Variants in STKLD1 observed in about 807,000 individuals in gnomAD.
STKLD1 encodes serine/threonine kinase-like domain-containing protein STKLD1.
A neutral mutation model predicts 80.4 loss-of-function variants in STKLD1; 79 were observed. The ratio of observed to expected loss-of-function variants is 0.98; its 90% CI spans 0.82 to 1.19. The LOEUF is 1.19. STKLD1 is among the 50% of genes most tolerant of loss of function. The pLI, the probability that STKLD1 is intolerant of heterozygous loss-of-function variation, is 0.00. For synonymous variants in STKLD1, 393 were observed against 357.6 expected (o/e 1.10, Z -1.12); for missense variants, 841 against 856.0 (o/e 0.98, Z 0.22).
At chr9:133,403,394 C>T (rs1554778070) in intron 14 of STKLD1, among the ~76,000 whole-genome samples, 1 of 152,148 alleles carries the variant, frequency 6.6e-6, no homozygotes, top group African/African-American at 2.4e-5. Context: ...CAGTAGGGGG[C>T]CCCCTGGCCT....
chr9:133,379,337 C>A (rs2119203619), intron 2 of STKLD1, among the ~76,000 whole-genome samples: 1 of 152,318 alleles, frequency 6.6e-6, no homozygotes, highest in Non-Finnish European at 1.5e-5. Flanking sequence ...TACTCCAACA[C>A]CACCACCTCC....
At chr9:133,376,708 G>T (rs993343325) in intron 1 of STKLD1, 148 bp downstream of exon 1, 3 of 646,922 alleles carry the variant, frequency 4.6e-6, no homozygotes, top group East Asian at 3.3e-5. Flanking sequence ...AACCCGGGGG[G>T]CCTCCAACGG....
At chr9:133,378,563 C>A (rs1838059591) in intron 1 of STKLD1, among the ~76,000 whole-genome samples, 2 of 152,256 alleles carry the variant, frequency 1.3e-5, no homozygotes, top group South Asian at 2.1e-4. Flanking sequence ...ACAGAGGTAG[C>A]AATGGTGTCA....
rs142661250 is a variant in STKLD1, at chr9:133,376,561, G to A, written c.87+1G>A. Reference sequence around the variant, plus strand: ...CGGAGAGCCCATGGAGAAGTACCAGGTGCCGAGTGTTCCCTGCGGGGAGGC... The same window carrying A: ...CGGAGAGCCCATGGAGAAGTACCAGATGCCGAGTGTTCCCTGCGGGGAGGC... On this transcript the variant is annotated splice_donor_variant, in intron 1 of 17. Transcript: ENST00000371957. LOFTEE classifies it high-confidence loss of function. 9.2e-5 allele frequency: 146 copies of A among 1,592,574 alleles called. No individual in the cohort carries two copies. The African/African-American group carries it at 1.8e-3, about 19-fold the overall frequency.
intron 2 of STKLD1, among the ~76,000 whole-genome samples, chr9:133,382,349 CT>C (rs1838151675): frequency 6.6e-6 from 1 of 152,228 alleles, no homozygotes; most frequent in African/African-American, 2.4e-5. Context: ...GTTCTCATTG[CT>C]CTAAGTATTT....
At chr9:133,380,920 T>C (rs1275259827) in intron 2 of STKLD1, among the ~76,000 whole-genome samples, 1 of 152,116 alleles carries the variant, frequency 6.6e-6, no homozygotes, top group African/African-American at 2.4e-5. Flanking sequence ...TTGCTTGATG[T>C]GCTGTAACTA....
chr9:133,394,367 G>C lies in STKLD1; in HGVS notation c.660G>C (p.Leu220=), dbSNP rs1554776408. Residue 220 remains leucine, a synonymous_variant, in exon 8 of 18, where the codon CTG becomes CTC. Coordinates refer to ENST00000371957, the MANE Select transcript of STKLD1 (RefSeq NM_153710.5). The surrounding 1 kb of genome is among the most constrained non-coding windows in gnomAD (Gnocchi z 4.9). ...GCCAGAAATCAGACATCTGGTCCCT[G>C]GGCTGCATCATTCTGGACATGACCA... ...SFSQKSDIWS[L]GCIILDMTSC... 5 of 1,613,712 alleles carry C rather than the reference G, an allele frequency of 3.1e-6. No individual in the cohort carries two copies. Among genetic ancestry groups the C allele is most frequent in the Admixed American group, 1.7e-5 (1 of 59,980 alleles).
At chr9:133,376,772 G>A (rs1217304031) in intron 1 of STKLD1, among the ~76,000 whole-genome samples, 2 of 152,198 alleles carry the variant, frequency 1.3e-5, no homozygotes. Context: ...AATTGACTAA[G>A]GATTCTCCAG....
Position 133,389,231 on chromosome 9 carries a change from G to A in STKLD1, c.397-295G>A, listed in dbSNP as rs2130283602. On this transcript the variant is annotated intron_variant, in intron 5 of 17. Transcript: ENST00000371957. The surrounding 1 kb of genome is among the most constrained non-coding windows in gnomAD (Gnocchi z 6.4). ...GCTCCCAGCAAGTGTGGGGCAGCGC[G>A]GGCCACAGAGTAGGGTGCAGGGATG... The A allele has an allele frequency of 1.1e-5, 11 of 985,286 alleles. No individual in the cohort carries two copies. The highest frequency in any genetic ancestry group is 1.2e-4 in the Admixed American group (2 of 16,270). The allele number at this position is 985,286 out of a possible 1,614,324, so 61.0% of individuals were successfully genotyped here. A position where few individuals can be genotyped will look rare whatever the true frequency, so the allele number is the denominator to read the frequency against.
In STKLD1 at chr9:133,404,831, G is replaced by A; in HGVS notation, c.1775G>A (p.Ser592Asn). The stretch of plus-strand genomic sequence containing the variant: ...GTGGTGGTGCAGGAGGAGGGCGGCA[G>A]TGGCCTCAGCCTCATCAAGGAGACC... Reference protein sequence around the residue: ...FKVVVQEEGGSGLSLIKETYQ... With the variant: ...FKVVVQEEGGNGLSLIKETYQ... The change falls in exon 17 of 18, where the codon AGT becomes AAT. Residue 592 changes from serine to asparagine, a missense_variant. Ser to Asn is a conservative substitution (Grantham distance 46). Coordinates refer to ENST00000371957, the MANE Select transcript of STKLD1 (RefSeq NM_153710.5). The A allele has an allele frequency of 1.9e-6, 3 of 1,613,430 alleles. No homozygotes were observed. The highest frequency in any genetic ancestry group is 1.7e-6 in the Non-Finnish European group (2 of 1,179,828).
chr9:133,400,388 TC>T, intron 11 of STKLD1, 24 bp from the exon 12 acceptor site: 1 of 1,588,780 alleles, frequency 6.3e-7, no homozygotes, highest in Non-Finnish European at 8.6e-7. Flanking sequence ...AAAATGAGTC[TC>T]CCCTGTGCCG....
intron 11 of STKLD1, among the ~76,000 whole-genome samples, chr9:133,398,649 CAT>C (rs1378613695): frequency 2.0e-5 from 3 of 152,126 alleles, no homozygotes; most frequent in South Asian, 2.1e-4. Flanking sequence ...TGTGGTGACA[CAT>C]GTCTGTTATC....
At chr9:133,395,444 C>T (rs1309455268) in intron 8 of STKLD1, among the ~76,000 whole-genome samples, 156 bp from the exon 9 acceptor site, 2 of 152,192 alleles carry the variant, frequency 1.3e-5, no homozygotes, top group African/African-American at 4.8e-5. Context: ...AGCTTGGGGC[C>T]CCTGGGGTCT....
At chr9:133,381,040 TTTTTGTTTTGTTTTG>T (rs113425746) in intron 2 of STKLD1, among the ~76,000 whole-genome samples, 1 of 152,040 alleles carries the variant, frequency 6.6e-6, no homozygotes. Context: ...TTTGTTTGTT[TTTTTGTTTTGTTTTG>T]TTTTGTTTTG....
chr9:133,392,386 C>G (rs1838420428), intron 7 of STKLD1, among the ~76,000 whole-genome samples: 1 of 151,810 alleles, frequency 6.6e-6, no homozygotes, highest in Admixed American at 6.6e-5. Context: ...CCTTGGTAGA[C>G]AGAAGATGAA....
intron 7 of STKLD1, among the ~76,000 whole-genome samples, chr9:133,393,154 A>G: frequency 4.0e-5 from 4 of 99,098 alleles, no homozygotes; most frequent in South Asian, 4.0e-4. Context: ...TGAGTGAATG[A>G]GTGGGTAGGT....
At chr9:133,376,768 C>T (rs2130251349) in intron 1 of STKLD1, among the ~76,000 whole-genome samples, 4 of 152,262 alleles carry the variant, frequency 2.6e-5, no homozygotes, top group African/African-American at 9.6e-5. Context: ...TGTGAATTGA[C>T]TAAGGATTCT....
chr9:133,405,547 T>A lies in STKLD1; in HGVS notation c.*126T>A. On this transcript the variant is annotated 3_prime_UTR_variant, in exon 18 of 18. Transcript: ENST00000371957. Reference sequence around the variant, plus strand: ...CTTAAACGGGAGGGGTAATCAGACCTCTCCAAAGAGTTTCCTGTCCATGAC... The same window carrying A: ...CTTAAACGGGAGGGGTAATCAGACCACTCCAAAGAGTTTCCTGTCCATGAC... 1 of 948,434 alleles carries A rather than the reference T, an allele frequency of 1.1e-6. No individual in the cohort carries two copies. The highest frequency in any genetic ancestry group is 1.5e-6 in the Non-Finnish European group (1 of 664,658). The allele number at this position is 948,434 out of a possible 1,614,324, so 58.8% of individuals were successfully genotyped here.
rs1838807387 is a variant in STKLD1 at position 133,404,866 on chromosome 9, C to T, written c.1810C>T (p.His604Tyr). The T allele has an allele frequency of 6.2e-7, 1 of 1,613,126 alleles. No homozygotes were observed. The highest frequency in any genetic ancestry group is 8.5e-7 in the Non-Finnish European group (1 of 1,179,740). Reference sequence around the variant, plus strand: ...CCTCATCAAGGAGACCTACCAGCTCCACAGGGACGACCCGGAGGTGGTGGA... The same window carrying T: ...CCTCATCAAGGAGACCTACCAGCTCTACAGGGACGACCCGGAGGTGGTGGA... Reference protein sequence around the residue: ...LSLIKETYQLHRDDPEVVENV... With the variant: ...LSLIKETYQLYRDDPEVVENV... Residue 604 changes from histidine (H) to tyrosine (Y), a missense_variant, in exon 17 of 18, where the codon CAC (histidine) becomes TAC (tyrosine). Transcript: ENST00000371957.
Sources: gnomAD v4.1 joint callset for allele counts (sites outside exome capture counted in the v4.1 genomes callset) on GRCh38, gnomAD v4.1.1 for gene constraint, Gnocchi (gnomAD v3.1) non-coding constraint, MANE v1.5 for transcripts, NCBI Gene and HGNC (gene_info 2026-07-23, HGNC 2026-07-21) for gene names.